The following TAOK1 variants were observed in gnomAD, a reference collection of about 807,000 sequenced individuals.
TAOK1 encodes the protein TAO kinase 1.
TAOK1 carries 21 observed loss-of-function variants against 138.3 expected under a neutral mutation model. The ratio of observed to expected loss-of-function variants is 0.15; its 90% confidence interval spans 0.11 to 0.22. The LOEUF is 0.22. Among genes scored for constraint, TAOK1 ranks in the 10% least tolerant of loss-of-function variants. The probability of loss-of-function intolerance (pLI) is 1.00; values close to 1 mark genes in which losing one functional copy is unlikely to be tolerated. For synonymous variants in TAOK1, 361 were observed against 398.4 expected (o/e 0.91, Z 1.12); for missense variants, 651 against 1,227.7 (o/e 0.53, Z 7.02).
Position 29,551,725 on chromosome 17 carries a change from T to C in TAOK1, c.*8703T>C, listed in dbSNP as rs1598538400. ...TATTCTTCTGGTTCAGCATACCTTA[T>C]AGTTCATATATAACCTGTATTAATT... On this transcript the variant is annotated 3_prime_UTR_variant, in exon 20 of 20. Transcript: ENST00000261716. The C allele has an allele frequency of 6.5e-6, 1 of 152,754 alleles. No homozygotes were observed. The highest frequency in any genetic ancestry group is 1.9e-4 in the East Asian group (1 of 5,188). The allele number at this position is 152,754 out of a possible 1,614,324, so 9.5% of individuals were successfully genotyped here.
intron 17 of TAOK1, among the ~76,000 whole-genome samples, chr17:29,527,890 A>C (rs1309351437): frequency 6.6e-6 from 1 of 152,224 alleles, no homozygotes. Flanking sequence ...CTAAAGCCAA[A>C]GATCTTCTGT....
At position 29,512,180 on chromosome 17, in the gene TAOK1, C is replaced by G. The variant is rs548513398; in HGVS notation, c.1704+1188C>G. On this transcript the variant is annotated intron_variant, in intron 15 of 19. Coordinates refer to ENST00000261716, the MANE Select transcript of TAOK1 (RefSeq NM_020791.4). The stretch of plus-strand genomic sequence containing the variant: ...AAGGATTCTCCTGCCTCAACCCCCC[C>G]GAGTAGCTGGGATTACAGGTGTGTG... 318 of 147,702 alleles carry G rather than the reference C, an allele frequency of 2.2e-3. 1 individual carries two copies. The highest frequency in any genetic ancestry group is 3.5e-3 in the Non-Finnish European group (235 of 67,062). 9.1% of individuals were successfully genotyped at this position (147,702 alleles called of 1,614,324 possible). A position where few individuals can be genotyped will look rare whatever the true frequency, so the allele number is the denominator to read the frequency against.
intron 19 of TAOK1, among the ~76,000 whole-genome samples, chr17:29,541,518 T>C (rs577337582): frequency 6.6e-6 from 1 of 151,474 alleles, no homozygotes; most frequent in Non-Finnish European, 1.5e-5. Context: ...TCTCAAATCC[T>C]CAATCCCAGC....
At chr17:29,539,044 G>A (rs1206150134) in intron 19 of TAOK1, among the ~76,000 whole-genome samples, 1 of 152,112 alleles carries the variant, frequency 6.6e-6, no homozygotes, top group Non-Finnish European at 1.5e-5. Flanking sequence ...ATCACTTGGT[G>A]CTCAGGAGTT....
chr17:29,481,111 A>G (rs991489008), intron 7 of TAOK1, among the ~76,000 whole-genome samples: 6 of 152,078 alleles, frequency 3.9e-5, no homozygotes, highest in Non-Finnish European at 8.8e-5. Context: ...TCTTTAATAA[A>G]TGACATGAGC....
intron 1 of TAOK1, among the ~76,000 whole-genome samples, chr17:29,404,388 C>T (rs1336780791): frequency 6.6e-6 from 1 of 152,070 alleles, no homozygotes; most frequent in Non-Finnish European, 1.5e-5. Context: ...TCTTGGATTG[C>T]TGGACTCAAG....
Position 29,444,408 on chromosome 17 carries a change from G to A in TAOK1, c.-94-7047G>A, listed in dbSNP as rs139745087. Among the ~76,000 whole-genome samples the A allele has an allele frequency of 1.8e-3, 267 of 152,320 alleles. 2 individuals carry two copies. Among genetic ancestry groups the A allele is most frequent in the African/African-American group, 6.2e-3 (258 of 41,576 alleles). Reference sequence around the variant, plus strand: ...TAATAAAGTGCTTTCAGGAACTTTAGTATGTATAGAAAAAGAAGCAGTTAT... The same window carrying A: ...TAATAAAGTGCTTTCAGGAACTTTAATATGTATAGAAAAAGAAGCAGTTAT... On this transcript the variant is annotated intron_variant, in intron 1 of 19. Transcript: ENST00000261716.
chr17:29,400,406 A>C (rs553846345), intron 1 of TAOK1, among the ~76,000 whole-genome samples: 48 of 151,824 alleles, frequency 3.2e-4, no homozygotes, highest in Middle Eastern at 3.4e-3. Context: ...AAAAAAAAAA[A>C]AACAACAAAT....
intron 3 of TAOK1, among the ~76,000 whole-genome samples, chr17:29,472,600 T>G (rs1598495990): frequency 3.3e-5 from 4 of 122,284 alleles, no homozygotes; most frequent in African/African-American, 3.1e-5. Flanking sequence ...TGAGATGGAG[T>G]TTCGCTCTTG....
intron 12 of TAOK1, 48 bp downstream of exon 12, chr17:29,498,569 T>G (rs982109542): frequency 4.4e-6 from 7 of 1,589,718 alleles, no homozygotes; most frequent in Non-Finnish European, 4.3e-6. Context: ...GGTAAACTGT[T>G]TTCTTCATCT....
chr17:29,438,483 G>A (rs1308739319), intron 1 of TAOK1, among the ~76,000 whole-genome samples: 2 of 152,166 alleles, frequency 1.3e-5, no homozygotes, highest in Non-Finnish European at 2.9e-5. Context: ...TCAGAAGTTC[G>A]AGAATAGCGT....
At chr17:29,537,224 A>T (rs1209925917) in intron 19 of TAOK1, among the ~76,000 whole-genome samples, 1 of 152,236 alleles carries the variant, frequency 6.6e-6, no homozygotes, top group Non-Finnish European at 1.5e-5. Flanking sequence ...CAAAAACTGC[A>T]TGTTAATACA....
At chr17:29,475,551 A>G in intron 3 of TAOK1, 119 bp from the exon 4 acceptor site, 1 of 695,770 alleles carries the variant, frequency 1.4e-6, no homozygotes, top group Admixed American at 3.2e-5. Context: ...AAATAAGTAA[A>G]ACCAAGCAAA....
At chr17:29,411,428 G>T (rs1449605042) in intron 1 of TAOK1, among the ~76,000 whole-genome samples, 1 of 151,296 alleles carries the variant, frequency 6.6e-6, no homozygotes, top group African/African-American at 2.4e-5. Context: ...ATCTCACTCT[G>T]TTGTCCAGGC....
chr17:29,507,788 G>T, intron 13 of TAOK1, 108 bp from the exon 14 acceptor site: 1 of 979,174 alleles, frequency 1.0e-6, no homozygotes, highest in Non-Finnish European at 1.5e-6. Flanking sequence ...GCTAACATTG[G>T]GATATTTTAC....
intron 10 of TAOK1, 129 bp downstream of exon 10, chr17:29,491,994 C>G (rs555369783): frequency 3.3e-6 from 2 of 612,200 alleles, no homozygotes; most frequent in East Asian, 2.9e-5. Context: ...AAGCGATCCT[C>G]CCACCTCAGC....
chr17:29,423,795 C>T (rs1225761317), intron 1 of TAOK1, among the ~76,000 whole-genome samples: 1 of 151,874 alleles, frequency 6.6e-6, no homozygotes, highest in Non-Finnish European at 1.5e-5. Context: ...CACCTGTAAT[C>T]CCAGCACTTT....
chr17:29,439,794 C>T (rs1906156418), intron 1 of TAOK1, among the ~76,000 whole-genome samples: 1 of 145,248 alleles, frequency 6.9e-6, no homozygotes, highest in Admixed American at 7.2e-5. Context: ...GAGGCTGAGG[C>T]AGGAGAATCT....
In TAOK1 at chr17:29,501,209, A is replaced by AC. The variant is rs779363002; in HGVS notation, c.1204-1376dup. On this transcript the variant is annotated intron_variant, in intron 12 of 19. Coordinates refer to ENST00000261716, the MANE Select transcript of TAOK1 (RefSeq NM_020791.4). ...AGACCAGCCTGGGCAACATAGGGAG[A>AC]CCCCATCTGTTTAAAAAAAAAAAAA... Among the ~76,000 whole-genome samples, 378 of 141,704 alleles carry AC rather than the reference A, an allele frequency of 2.7e-3. 1 individual carries two copies. Among genetic ancestry groups the AC allele is most frequent in the Non-Finnish European group, 4.1e-3 (267 of 65,632 alleles). 93.0% of individuals were successfully genotyped at this position (141,704 alleles called of 152,430 possible).
Sources: gnomAD v4.1 joint callset for allele counts (sites outside exome capture counted in the v4.1 genomes callset) on GRCh38, gnomAD v4.1.1 for gene constraint, MANE v1.5 for transcripts, NCBI Gene and HGNC (gene_info 2026-07-23, HGNC 2026-07-21) for gene names.